Variants in LGR5 observed in about 807,000 individuals in gnomAD.
LGR5 encodes the protein leucine-rich repeat-containing G protein-coupled receptor 5.
Under a neutral mutation model 76.7 loss-of-function variants are expected in LGR5, and 54 were observed. The observed-to-expected ratio is 0.70, with a 90% CI of 0.57 to 0.88. The LOEUF (loss-of-function observed/expected upper bound fraction) is 0.88. LGR5 is among the 40% of genes least tolerant of loss of function. The pLI is 0.00. For synonymous variants in LGR5, 406 were observed against 421.9 expected (o/e 0.96, Z 0.46); for missense variants, 1,078 against 1,073.3 (o/e 1.00, Z -0.06).
chr12:71,478,173 T>C (rs554026952), intron 1 of LGR5, among the ~76,000 whole-genome samples: 1 of 152,326 alleles, frequency 6.6e-6, no homozygotes, highest in East Asian at 1.9e-4. Flanking sequence ...TACTTATTTT[T>C]ATATTTTCTT....
At chr12:71,492,044 T>TG (rs1874098754) in intron 1 of LGR5, among the ~76,000 whole-genome samples, 1 of 151,874 alleles carries the variant, frequency 6.6e-6, no homozygotes. Flanking sequence ...TAGGGGTAAA[T>TG]GGGGAAATTT....
chr12:71,576,587 G>A (rs1878866088), intron 13 of LGR5, among the ~76,000 whole-genome samples: 2 of 152,136 alleles, frequency 1.3e-5, no homozygotes, highest in Admixed American at 1.3e-4. Context: ...CAGGCACAAA[G>A]CAGAAAATGA....
chr12:71,494,366 C>T (rs947390226), intron 1 of LGR5, among the ~76,000 whole-genome samples: 15 of 150,858 alleles, frequency 9.9e-5, no homozygotes, highest in Non-Finnish European at 2.1e-4. Flanking sequence ...GCATGAACCA[C>T]TGAACCACTG....
intron 5 of LGR5, among the ~76,000 whole-genome samples, chr12:71,555,167 G>GA (rs144411470): frequency 0.037 from 5,595 of 151,606 alleles, 111 homozygotes; most frequent in South Asian, 0.084. Context: ...TTATTTATTA[G>GA]AAAAAAAATC....
intron 1 of LGR5, among the ~76,000 whole-genome samples, chr12:71,443,033 A>G (rs1348261000): frequency 1.3e-5 from 2 of 152,224 alleles, no homozygotes; most frequent in Admixed American, 6.5e-5. Flanking sequence ...CAGAACTACT[A>G]TCTTTTATTA....
At chr12:71,497,342 GAGGAAGGAAGGAAGAA>G (rs199508597) in intron 1 of LGR5, among the ~76,000 whole-genome samples, 8,218 of 148,524 alleles carry the variant, frequency 0.055, 220 homozygotes, top group Middle Eastern at 0.086. Context: ...AAGAGAGAAA[GAGGAAGGAAGGAAGAA>G]AGGAAGGAAG....
rs1877783695 is a variant in LGR5 at position 71,556,665 on chromosome 12, G to A, written c.691G>A (p.Asp231Asn). The A allele has an allele frequency of 1.2e-6, 2 of 1,612,366 alleles. No individual in the cohort carries two copies. The highest frequency in any genetic ancestry group is 4.5e-5 in the East Asian group (2 of 44,834). Residue 231 changes from aspartate to asparagine, a missense_variant, in exon 6 of 18, where the codon GAT (aspartate) becomes AAT (asparagine). Coordinates refer to ENST00000266674, the MANE Select transcript of LGR5 (RefSeq NM_003667.4). ...CCACTCCCTGGGAAAGAAATGCTTT[G>A]ATGGGCTCCACAGCCTAGAGACTTT... ...RIHSLGKKCF[D>N]GLHSLETLDL...
intron 1 of LGR5, among the ~76,000 whole-genome samples, chr12:71,488,459 C>G (rs2137274372): frequency 6.6e-6 from 1 of 152,246 alleles, no homozygotes; most frequent in East Asian, 1.9e-4. Flanking sequence ...TTCAATGAGG[C>G]TCAAGGGCAG....
chr12:71,499,165 G>A (rs999090979), intron 1 of LGR5, among the ~76,000 whole-genome samples: 14 of 152,156 alleles, frequency 9.2e-5, no homozygotes, highest in South Asian at 4.1e-4. Flanking sequence ...AAAAGACAGG[G>A]GCTAGGGAGT....
intron 4 of LGR5, among the ~76,000 whole-genome samples, chr12:71,538,756 G>C (rs1876729404): frequency 1.3e-5 from 2 of 152,064 alleles, no homozygotes; most frequent in Admixed American, 1.3e-4. Context: ...TATGCTGGAG[G>C]CTGAGGTGGG....
intron 4 of LGR5, among the ~76,000 whole-genome samples, chr12:71,546,545 G>A (rs186545184): frequency 5.3e-5 from 8 of 152,084 alleles, no homozygotes; most frequent in Middle Eastern, 3.4e-3. Context: ...GCCACATCTG[G>A]GGAGTCACCA....
intron 4 of LGR5, among the ~76,000 whole-genome samples, chr12:71,552,690 A>T (rs1408210691): frequency 6.6e-6 from 1 of 152,222 alleles, no homozygotes; most frequent in Non-Finnish European, 1.5e-5. Flanking sequence ...CAGGGAAAGC[A>T]AAAACATTCC....
intron 1 of LGR5, among the ~76,000 whole-genome samples, chr12:71,482,622 A>G (rs991455669): frequency 1.3e-5 from 2 of 152,170 alleles, no homozygotes; most frequent in Non-Finnish European, 2.9e-5. Context: ...AAAAGCCTAG[A>G]AAAGTATTTA....
intron 4 of LGR5, among the ~76,000 whole-genome samples, chr12:71,547,747 G>T (rs576295066): frequency 6.6e-6 from 1 of 152,246 alleles, no homozygotes; most frequent in Admixed American, 6.5e-5. Flanking sequence ...CATGGTAATA[G>T]GTGCATGCCA....
At position 71,440,046 on chromosome 12, in the gene LGR5, C is replaced by G. The variant is rs769253623; in HGVS notation, c.-35C>G. The G allele has an allele frequency of 6.3e-7, 1 of 1,591,710 alleles. No individual in the cohort carries two copies. Among genetic ancestry groups the G allele is most frequent in the African/African-American group, 1.3e-5 (1 of 74,878 alleles). On this transcript the variant is annotated 5_prime_UTR_variant, in exon 1 of 18. Transcript: ENST00000266674. This position sits in a 1 kb window ranked among gnomAD's most constrained non-coding sequence, Gnocchi z 5.3. ...GTAGCAGTCCGGTGCTGCTCTCCGC[C>G]CGCGTCCGGCTCGTGGCCCCCTACT...
chr12:71,530,995 G>GAAAAA (rs1446785689), intron 3 of LGR5, among the ~76,000 whole-genome samples: 1 of 43,676 alleles, frequency 2.3e-5, no homozygotes. Context: ...AGTCCTGTTG[G>GAAAAA]GAAAAAAAAA....
Position 71,566,700 on chromosome 12 carries a change from TGTAA to T in LGR5, c.998+4_998+7del, listed in dbSNP as rs1565764555. On this transcript the variant is annotated splice_donor_variant and splice_donor_region_variant and intron_variant, in intron 10 of 17. Coordinates refer to ENST00000266674, the MANE Select transcript of LGR5 (RefSeq NM_003667.4). LOFTEE classifies it high-confidence loss of function. ...ACTGGAACTGCAAACCTGGAGAGTC[TGTAA>T]GTACTGAGTAGACTCTTGACTTTGC... The T allele has an allele frequency of 6.2e-7, 1 of 1,611,756 alleles. No individual in the cohort carries two copies. Among genetic ancestry groups the T allele is most frequent in the Admixed American group, 1.7e-5 (1 of 60,002 alleles).
At chr12:71,572,250 T>A (rs898390343) in intron 12 of LGR5, among the ~76,000 whole-genome samples, 3 of 152,064 alleles carry the variant, frequency 2.0e-5, no homozygotes, top group Admixed American at 2.0e-4. Context: ...GCCTGGCTAA[T>A]TTTTTGCATT....
chr12:71,556,485 A>G (rs1411209471), intron 5 of LGR5, 134 bp from the exon 6 acceptor site: 4 of 661,520 alleles, frequency 6.0e-6, no homozygotes, highest in East Asian at 5.2e-5. Flanking sequence ...AATGCAGCAT[A>G]TAGCCATTTT....
Sources: allele counts gnomAD v4.1 joint callset (sites outside exome capture counted in the v4.1 genomes callset), GRCh38; gene constraint gnomAD v4.1.1; non-coding constraint Gnocchi (gnomAD v3.1); transcripts MANE v1.5; gene names NCBI Gene and HGNC (gene_info 2026-07-23, HGNC 2026-07-21).